The following DNAH9 variants were observed in gnomAD, a reference collection of about 807,000 sequenced individuals.
DNAH9 encodes DNAH9 variant protein.
A neutral mutation model predicts 471.6 loss-of-function variants in DNAH9; 345 were observed. The ratio of observed to expected loss-of-function variants is 0.73; its 90% confidence interval spans 0.67 to 0.80. The LOEUF is 0.80. DNAH9 is among the 30% of genes least tolerant of loss of function. DNAH9 has a pLI of 0.00. For synonymous variants in DNAH9, 2,093 were observed against 2,123.6 expected, an observed-to-expected ratio of 0.99 and a Z score of 0.40; for missense variants, 5,407 against 5,609.2, an observed-to-expected ratio of 0.96 and a Z score of 1.15.
intron 27 of DNAH9, among the ~76,000 whole-genome samples, chr17:11,720,114 C>T (rs1475882625): frequency 2.6e-5 from 4 of 151,992 alleles, no homozygotes; most frequent in South Asian, 2.1e-4. Context: ...TCTGAGTCAC[C>T]GAGAAAAGCC....
Position 11,768,616 on chromosome 17 carries a change from T to C in DNAH9, c.7334T>C (p.Met2445Thr). 1 of 1,613,874 alleles carries C rather than the reference T, an allele frequency of 6.2e-7. No individual in the cohort carries two copies. The highest frequency in any genetic ancestry group is 1.1e-5 in the South Asian group (1 of 91,034). Residue 2445 changes from methionine (M) to threonine (T), a missense_variant, in exon 37 of 69, where the codon ATG becomes ACG. Met to Thr is a moderately conservative substitution (Grantham distance 81, BLOSUM62 -1). Transcript: ENST00000262442. The part of the protein sequence containing the change: ...LVPQFEFDPE[M>T]PLQACLVHTS... ...CCCCAGTTCGAATTTGACCCCGAGATGCCCTTGCAGGTGAGTGCAGCTGAG... is the reference window on the plus strand; with the variant it reads ...CCCCAGTTCGAATTTGACCCCGAGACGCCCTTGCAGGTGAGTGCAGCTGAG...
At position 11,798,072 on chromosome 17, in the gene DNAH9, A is replaced by G. The variant is rs891104427; in HGVS notation, c.8420+279A>G. On this transcript the variant is annotated intron_variant, in intron 43 of 68. Transcript: ENST00000262442. ...TGACAGCAAGAACAGACTTGAGATC[A>G]TAAAATGGGACCCAGAACAGCTCAG... Among the ~76,000 whole-genome samples, 5 of 152,228 alleles carry G rather than the reference A, an allele frequency of 3.3e-5. No individual in the cohort carries two copies. In the East Asian group the frequency reaches 7.8e-4, roughly 24 times the overall value.
At chr17:11,614,719 C>T (rs905054950) in intron 4 of DNAH9, among the ~76,000 whole-genome samples, 6 of 152,178 alleles carry the variant, frequency 3.9e-5, no homozygotes, top group African/African-American at 1.4e-4. Context: ...CAAGATGGCG[C>T]CTTGTTGCTG....
chr17:11,805,520 GTTCTTTTTTTTTTTTTTTTTTTTTT>G (rs1969634567), intron 43 of DNAH9, among the ~76,000 whole-genome samples: 1 of 68,008 alleles, frequency 1.5e-5, no homozygotes, highest in Non-Finnish European at 2.9e-5. Flanking sequence ...CTTTACCCGA[GTTCTTTTTTTTTTTTTTTTTTTTTT>G]TTTTTTTTTT....
rs753041994 is a variant in DNAH9, at chr17:11,942,385, G to C, written c.12743G>C (p.Arg4248Pro). Reference protein sequence around the residue: ...IPELMAKVEERTPYIVVAFQE... With the variant: ...IPELMAKVEEPTPYIVVAFQE... ...GAACTGATGGCCAAAGTGGAGGAGC[G>C]CACCCCTTACATTGTAGTTGCCTTC... The change falls in exon 67 of 69, where the codon CGC becomes CCC. Residue 4248 changes from arginine to proline, a missense_variant. Physicochemically the swap from Arg to Pro is moderately radical, Grantham distance 103. Around this residue, in one of 3 missense-constraint regions of DNAH9, gnomAD observed 4,636 missense variants for 4,900.3 expected, o/e 0.95. Transcript: ENST00000262442. 1 of 1,614,166 alleles carries C rather than the reference G, an allele frequency of 6.2e-7. No individual in the cohort carries two copies. The highest frequency in any genetic ancestry group is 8.5e-7 in the Non-Finnish European group (1 of 1,180,018).
chr17:11,695,904 GT>G (rs781731757), intron 22 of DNAH9, among the ~76,000 whole-genome samples: 108 of 152,300 alleles, frequency 7.1e-4, no homozygotes, highest in Admixed American at 2.7e-3. Flanking sequence ...TTAAAGAATA[GT>G]TGGGCTCATT....
At chr17:11,602,653 T>C (rs540475541) in intron 1 of DNAH9, among the ~76,000 whole-genome samples, 1 of 152,216 alleles carries the variant, frequency 6.6e-6, no homozygotes, top group Non-Finnish European at 1.5e-5. Context: ...ACATTACTTC[T>C]AATATGTGGT....
chr17:11,822,386 T>G, intron 46 of DNAH9, 52 bp from the exon 47 acceptor site: 647 of 1,597,044 alleles, frequency 4.1e-4, no homozygotes, highest in Non-Finnish European at 5.0e-4. Flanking sequence ...TGCCTCTCCG[T>G]GAGTATTTCT....
chr17:11,621,508 T>C (rs1262534366), intron 6 of DNAH9, among the ~76,000 whole-genome samples: 1 of 151,214 alleles, frequency 6.6e-6, no homozygotes, highest in South Asian at 2.1e-4. Context: ...AAGAGAGCTA[T>C]GCTGGGAGGA....
chr17:11,879,944 A>G (rs1258227006), intron 53 of DNAH9, 134 bp from the exon 54 acceptor site: 26 of 1,041,354 alleles, frequency 2.5e-5, no homozygotes, highest in Non-Finnish European at 3.2e-5. Context: ...AAATGTGGCC[A>G]CTGAAAACAT....
At chr17:11,718,836 C>T (rs2075008063) in intron 26 of DNAH9, among the ~76,000 whole-genome samples, 1 of 152,156 alleles carries the variant, frequency 6.6e-6, no homozygotes, top group Non-Finnish European at 1.5e-5. Context: ...TCTGCTCACT[C>T]ACCCCAGTGT....
intron 53 of DNAH9, among the ~76,000 whole-genome samples, chr17:11,878,326 G>A (rs373055167): frequency 6.6e-6 from 1 of 152,220 alleles, no homozygotes; most frequent in East Asian, 1.9e-4. Context: ...TGCATTATAT[G>A]TAATATGTAT....
Position 11,871,592 on chromosome 17 carries a change from TGGTA to T in DNAH9, c.10054-2_10055del. On this transcript the variant is annotated splice_acceptor_variant and splice_polypyrimidine_tract_variant and intron_variant, in intron 51 of 68. Transcript: ENST00000262442. LOFTEE classifies it high-confidence loss of function. ...CTCCTCTCCTCTCTGGCTTTTGAAATGGTAGGTTGGAGGACTCGCTTCTGAAAAC... is the reference window on the plus strand; with the variant it reads ...CTCCTCTCCTCTCTGGCTTTTGAAATGGTTGGAGGACTCGCTTCTGAAAAC... 1 of 1,612,400 alleles carries T rather than the reference TGGTA, an allele frequency of 6.2e-7. No individual in the cohort carries two copies. Among genetic ancestry groups the T allele is most frequent in the Non-Finnish European group, 8.5e-7 (1 of 1,178,544 alleles).
chr17:11,869,153 C>T lies in DNAH9; in HGVS notation c.9953C>T (p.Ala3318Val). 1.9e-6 allele frequency: 3 copies of T among 1,613,592 alleles called. No homozygotes were observed. The highest frequency in any genetic ancestry group is 2.5e-6 in the Non-Finnish European group (3 of 1,179,700). ...AKIAHLNENL[A>V]KLTARFEKAT... ...AAACAGCACCTTAATGAAAACCTGGCAAAGCTCACAGCCAGGTTTGAGAAA... is the reference window on the plus strand; with the variant it reads ...AAACAGCACCTTAATGAAAACCTGGTAAAGCTCACAGCCAGGTTTGAGAAA... The change falls in exon 51 of 69, where the codon GCA becomes GTA. Residue 3318 changes from alanine to valine, a missense_variant. This residue lies in a region of DNAH9 where 4,636 missense variants were observed against 4,900.3 expected (regional missense o/e 0.95). Transcript: ENST00000262442.
At chr17:11,869,033 T>C (rs1972164245) in intron 50 of DNAH9, 101 bp from the exon 51 acceptor site, 1 of 1,400,730 alleles carries the variant, frequency 7.1e-7, no homozygotes, top group Non-Finnish European at 9.7e-7. Context: ...CCCCGCAGAG[T>C]GCTTCCTTCA....
chr17:11,880,304 C>A, intron 54 of DNAH9, 104 bp downstream of exon 54: 1 of 1,436,532 alleles, frequency 7.0e-7, no homozygotes, highest in Non-Finnish European at 9.5e-7. Flanking sequence ...CTCTTCAGTT[C>A]ATGTCAAGTA....
In DNAH9 at chr17:11,874,011, G is replaced by A. The variant is rs370330338; in HGVS notation, c.10243-938G>A. ...TGTAATCCCAGTATTTTGGGAGGCC[G>A]AAGCAGGTGGATCGCCTGAGGTCAG... On this transcript the variant is annotated intron_variant, in intron 52 of 68. Transcript: ENST00000262442. Among the ~76,000 whole-genome samples, 136 of 152,204 alleles carry A rather than the reference G, an allele frequency of 8.9e-4. 3 individuals carry two copies. The South Asian group carries it at 0.021, about 23-fold the overall frequency.
In DNAH9 at chr17:11,878,905, A is replaced by G. The variant is rs114899915; in HGVS notation, c.10479-1173A>G. On this transcript the variant is annotated intron_variant, in intron 53 of 68. Transcript: ENST00000262442. ...TTTTGAGTTTTCTTTTTACATGGAA[A>G]TCCAATCAATTTAAATATAGTTTAA... 4.9e-3 allele frequency among the ~76,000 whole-genome samples: 752 copies of G among 152,296 alleles called. 5 individuals carry two copies. Among genetic ancestry groups the G allele is most frequent in the African/African-American group, 0.013 (537 of 41,552 alleles).
intron 60 of DNAH9, among the ~76,000 whole-genome samples, chr17:11,903,555 G>T (rs1973485966): frequency 6.6e-6 from 1 of 152,174 alleles, no homozygotes; most frequent in Non-Finnish European, 1.5e-5. Context: ...AAAAGAAGTT[G>T]TAGGCCGTGG....
Sources: gnomAD v4.1 joint callset for allele counts (sites outside exome capture counted in the v4.1 genomes callset) on GRCh38, gnomAD v4.1.1 for gene constraint, gnomAD v4.1.1 regional missense constraint, MANE v1.5 for transcripts, NCBI Gene and HGNC (gene_info 2026-07-23, HGNC 2026-07-21) for gene names.